The following FER variants were observed in gnomAD, a reference collection of about 807,000 sequenced individuals.
The protein encoded by FER is FER tyrosine kinase, also known as tyrosine-protein kinase Fer.
Under a neutral mutation model 111.0 loss-of-function variants are expected in FER, and 63 were observed. That is an observed-to-expected ratio of 0.57 (90% CI 0.46 to 0.70). The LOEUF is 0.70. Ranked by LOEUF, FER falls within the 30% of genes least tolerant of loss-of-function variation. The probability of loss-of-function intolerance (pLI) is 0.00; values close to 1 mark genes in which losing one functional copy is unlikely to be tolerated. For missense variants in FER, 914 were observed against 954.0 expected (o/e 0.96, Z 0.55); for synonymous variants, 327 against 313.9 (o/e 1.04, Z -0.44).
chr5:109,045,210 T>G (rs1401696521), intron 15 of FER, among the ~76,000 whole-genome samples: 1 of 151,810 alleles, frequency 6.6e-6, no homozygotes, highest in Non-Finnish European at 1.5e-5. Flanking sequence ...CTGTTAGGTT[T>G]CATTTCTGAG....
Position 108,950,141 on chromosome 5 carries a change from G to A in FER, c.1329+3919G>A, listed in dbSNP as rs73209355. 8.3e-3 allele frequency among the ~76,000 whole-genome samples: 1,266 copies of A among 152,126 alleles called. 17 individuals are homozygous for A. Among genetic ancestry groups the A allele is most frequent in the African/African-American group, 0.029 (1,200 of 41,524 alleles). On this transcript the variant is annotated intron_variant, in intron 11 of 19. Coordinates refer to ENST00000281092, the MANE Select transcript of FER (RefSeq NM_005246.4). ...TCCCTTATCAGAGACCCAAGAAGGG[G>A]TACAAAAAGGCCAGGAAATGGGAAG... is the stretch of plus-strand genomic sequence containing the variant.
chr5:108,896,728 G>C (rs956818855), intron 9 of FER, among the ~76,000 whole-genome samples: 1 of 152,060 alleles, frequency 6.6e-6, no homozygotes, highest in African/African-American at 2.4e-5. Flanking sequence ...GGTTACTTTT[G>C]TCTGTGAATA....
intron 10 of FER, among the ~76,000 whole-genome samples, chr5:108,902,242 C>A (rs1036888292): frequency 1.3e-5 from 2 of 152,040 alleles, no homozygotes; most frequent in Non-Finnish European, 2.9e-5. Flanking sequence ...ATCTTTGAGA[C>A]CATTATAATT....
chr5:108,935,959 T>A (rs1034696448), intron 10 of FER, among the ~76,000 whole-genome samples: 6 of 152,086 alleles, frequency 3.9e-5, no homozygotes, highest in Non-Finnish European at 8.8e-5. Context: ...TTTGAATGGT[T>A]TGGGAAAGAG....
intron 4 of FER, 52 bp downstream of exon 4, chr5:108,832,995 A>G: frequency 2.0e-6 from 3 of 1,478,082 alleles, no homozygotes; most frequent in South Asian, 1.4e-5. Flanking sequence ...CCAAATTCAC[A>G]GAAATATTTT....
intron 17 of FER, among the ~76,000 whole-genome samples, chr5:109,117,264 G>A (rs574677041): frequency 6.6e-6 from 1 of 152,220 alleles, no homozygotes. Flanking sequence ...TACATTGGAT[G>A]AAATCATTGT....
chr5:109,173,571 T>A (rs370068389), intron 17 of FER, among the ~76,000 whole-genome samples: 1 of 152,180 alleles, frequency 6.6e-6, no homozygotes, highest in African/African-American at 2.4e-5. Context: ...AGTGCCCAAA[T>A]TGACTATTCC....
chr5:109,137,089 T>G (rs1752974853), intron 17 of FER, among the ~76,000 whole-genome samples: 1 of 149,434 alleles, frequency 6.7e-6, no homozygotes, highest in African/African-American at 2.4e-5. Context: ...TTTTTCGTTG[T>G]GTCTTGATGT....
intron 2 of FER, among the ~76,000 whole-genome samples, chr5:108,784,690 T>C (rs1754481273): frequency 6.6e-6 from 1 of 152,204 alleles, no homozygotes; most frequent in South Asian, 2.1e-4. Flanking sequence ...TTTCTGTAGA[T>C]TATAGATTTA....
At chr5:108,908,979 C>G (rs1204654286) in intron 10 of FER, among the ~76,000 whole-genome samples, 2 of 152,106 alleles carry the variant, frequency 1.3e-5, no homozygotes, top group African/African-American at 4.8e-5. Flanking sequence ...TGCAGTGAGC[C>G]AAGATGACAT....
intron 2 of FER, among the ~76,000 whole-genome samples, chr5:108,792,180 G>C (rs150356577): frequency 6.6e-6 from 1 of 152,044 alleles, no homozygotes; most frequent in Non-Finnish European, 1.5e-5. Flanking sequence ...TTACTTTTCT[G>C]TATAGATTTT....
chr5:108,911,262 A>G (rs991194657), intron 10 of FER, among the ~76,000 whole-genome samples: 10 of 151,984 alleles, frequency 6.6e-5, no homozygotes, highest in African/African-American at 2.4e-4. Flanking sequence ...GGTCATGTGT[A>G]TGTCTTCTTT....
intron 2 of FER, among the ~76,000 whole-genome samples, chr5:108,773,391 C>T (rs969424110): frequency 2.0e-5 from 3 of 152,130 alleles, no homozygotes; most frequent in Non-Finnish European, 4.4e-5. Flanking sequence ...GTTCCCCTCC[C>T]TGTGTCCATG....
In FER at chr5:109,074,396, G is replaced by T. The variant is rs77261740; in HGVS notation, c.1925-26000G>T. The stretch of plus-strand genomic sequence containing the variant: ...AAAGATACATTGTAATATCATGCAG[G>T]ATTGCTAGAGTTGGGTCTCAAATTA... On this transcript the variant is annotated intron_variant, in intron 16 of 19. Coordinates refer to ENST00000281092, the MANE Select transcript of FER (RefSeq NM_005246.4). Among the ~76,000 whole-genome samples, 1,478 of 152,284 alleles carry T rather than the reference G, an allele frequency of 9.7e-3. 18 individuals carry two copies. Among genetic ancestry groups the T allele is most frequent in the African/African-American group, 0.034 (1,409 of 41,570 alleles).
Position 109,146,224 on chromosome 5 carries a change from T to A in FER, c.2049-34523T>A, listed in dbSNP as rs529886092. Among the ~76,000 whole-genome samples the A allele has an allele frequency of 2.1e-3, 241 of 116,350 alleles. 9 individuals carry two copies. Among genetic ancestry groups the A allele is most frequent in the Non-Finnish European group, 3.3e-3 (182 of 55,556 alleles). The allele number at this position is 116,350 out of a possible 152,430, so 76.3% of individuals were successfully genotyped here. Reference sequence around the variant, plus strand: ...ATCTATCTATTTTATATATATATATTATCTATCTAATATATATATAATCTA... The same window carrying A: ...ATCTATCTATTTTATATATATATATAATCTATCTAATATATATATAATCTA... On this transcript the variant is annotated intron_variant, in intron 17 of 19. Coordinates refer to ENST00000281092, the MANE Select transcript of FER (RefSeq NM_005246.4).
At chr5:108,964,084 A>T (rs1220035401) in intron 13 of FER, among the ~76,000 whole-genome samples, 1 of 152,100 alleles carries the variant, frequency 6.6e-6, no homozygotes, top group Admixed American at 6.5e-5. Context: ...AAATAATTTA[A>T]TTTTTTAAGA....
intron 10 of FER, among the ~76,000 whole-genome samples, chr5:108,898,832 G>T (rs1262710481): frequency 2.0e-5 from 3 of 151,436 alleles, no homozygotes. Flanking sequence ...GATCTAGTGG[G>T]TAGAGATTGG....
At chr5:108,864,060 A>G (rs1042191364) in intron 5 of FER, among the ~76,000 whole-genome samples, 7 of 152,186 alleles carry the variant, frequency 4.6e-5, no homozygotes, top group Non-Finnish European at 8.8e-5. Flanking sequence ...GAAGTTCTTT[A>G]TGTTATAAAG....
intron 13 of FER, among the ~76,000 whole-genome samples, chr5:109,034,134 C>T (rs2149871858): frequency 6.6e-6 from 1 of 152,298 alleles, no homozygotes; most frequent in East Asian, 1.9e-4. Flanking sequence ...AACTTATCTC[C>T]ATTCCTCAAC....
Sources: gnomAD v4.1 joint callset for allele counts (sites outside exome capture counted in the v4.1 genomes callset) on GRCh38, gnomAD v4.1.1 for gene constraint, MANE v1.5 for transcripts, NCBI Gene and HGNC (gene_info 2026-07-23, HGNC 2026-07-21) for gene names.